Variants in MTCL2 observed in about 807,000 individuals in gnomAD.
The protein encoded by MTCL2 is microtubule crosslinking factor 2.
At chr20:36,845,701 G>A in the MTCL2 span, among the ~76,000 whole-genome samples, 1 of 152,208 alleles carries the variant, frequency 6.6e-6, no homozygotes, top group Non-Finnish European at 1.5e-5. Context: ...AGGGGACCCA[G>A]AGGGCAGGCC....
the MTCL2 span, chr20:36,786,740 T>C: frequency 8.7e-7 from 1 of 1,153,296 alleles, no homozygotes; most frequent in Non-Finnish European, 1.2e-6. Flanking sequence ...GACTCGGCCA[T>C]AAACCAGTTC....
the MTCL2 span, chr20:36,859,860 G>A: frequency 4.9e-6 from 6 of 1,231,572 alleles, no homozygotes; most frequent in African/African-American, 9.3e-5. Context: ...GTCCAGAAAG[G>A]CAGAAAACAC....
the MTCL2 span, chr20:36,783,176 G>A: frequency 6.6e-6 from 1 of 152,214 alleles, no homozygotes; most frequent in Admixed American, 6.5e-5. Flanking sequence ...GACACCTAGA[G>A]GTGGGACCCA....
the MTCL2 span, chr20:36,862,661 G>A: frequency 6.7e-7 from 1 of 1,497,812 alleles, no homozygotes; most frequent in African/African-American, 1.4e-5. Context: ...CCCCCACCTT[G>A]AGATAGTCGT....
At chr20:36,856,815 C>CTG in the MTCL2 span, among the ~76,000 whole-genome samples, 1 of 152,222 alleles carries the variant, frequency 6.6e-6, no homozygotes, top group Non-Finnish European at 1.5e-5. Flanking sequence ...TTTCCTGTTT[C>CTG]TGTGTGTGGA....
the MTCL2 span, among the ~76,000 whole-genome samples, chr20:36,841,128 G>A: frequency 7.7e-6 from 1 of 129,986 alleles, no homozygotes; most frequent in East Asian, 2.2e-4. Context: ...TGGCCAACAT[G>A]GTGAAACCCT....
the MTCL2 span, chr20:36,815,044 G>A: frequency 1.8e-5 from 24 of 1,365,936 alleles, no homozygotes; most frequent in Middle Eastern, 2.0e-4. The surrounding 1 kb of genome is among the most constrained non-coding windows in gnomAD (Gnocchi z 5.3). Flanking sequence ...CCTGGCCAGC[G>A]GGGAGAGACC....
the MTCL2 span, among the ~76,000 whole-genome samples, chr20:36,822,557 G>A: frequency 6.6e-6 from 1 of 152,180 alleles, no homozygotes; most frequent in African/African-American, 2.4e-5. Flanking sequence ...AGAGCTGCCT[G>A]AGCACAGCTC....
chr20:36,835,891 G>A, the MTCL2 span, among the ~76,000 whole-genome samples: 4 of 152,172 alleles, frequency 2.6e-5, no homozygotes, highest in Non-Finnish European at 4.4e-5. Context: ...ACCCACGGAG[G>A]CGCCGCAGCC....
the MTCL2 span, among the ~76,000 whole-genome samples, chr20:36,832,914 G>A: frequency 7.9e-5 from 12 of 152,282 alleles, no homozygotes; most frequent in South Asian, 6.2e-4. Context: ...GCCTGGGCTT[G>A]TCCCTGCTCC....
the MTCL2 span, among the ~76,000 whole-genome samples, chr20:36,844,190 C>G: frequency 6.6e-6 from 1 of 151,824 alleles, no homozygotes; most frequent in East Asian, 1.9e-4. Context: ...GAGCTGAGAT[C>G]ATGCCACTGC....
the MTCL2 span, among the ~76,000 whole-genome samples, chr20:36,859,347 C>T: frequency 1.3e-5 from 2 of 152,248 alleles, no homozygotes; most frequent in East Asian, 3.9e-4. Flanking sequence ...CGTGTCTGCT[C>T]GGCAGCTAAA....
the MTCL2 span, among the ~76,000 whole-genome samples, chr20:36,812,048 C>T: frequency 6.6e-6 from 1 of 152,192 alleles, no homozygotes; most frequent in South Asian, 2.1e-4. Context: ...TCACTCTAAC[C>T]CTCCCGTTAC....
At chr20:36,836,679 G>T in the MTCL2 span, among the ~76,000 whole-genome samples, 1 of 151,980 alleles carries the variant, frequency 6.6e-6, no homozygotes, top group Non-Finnish European at 1.5e-5. Context: ...TAGAGATAGG[G>T]TCTTGCTATG....
the MTCL2 span, among the ~76,000 whole-genome samples, chr20:36,828,328 T>C: frequency 6.6e-6 from 1 of 152,138 alleles, no homozygotes; most frequent in African/African-American, 2.4e-5. Flanking sequence ...AGGTTGTCCC[T>C]CCCTCTCTCT....
chr20:36,820,608 G>A, the MTCL2 span, among the ~76,000 whole-genome samples: 1 of 152,224 alleles, frequency 6.6e-6, no homozygotes, highest in African/African-American at 2.4e-5. Context: ...TGGGGAGGCT[G>A]AGGCAGTTGG....
At chr20:36,837,799 A>C in the MTCL2 span, among the ~76,000 whole-genome samples, 2 of 151,604 alleles carry the variant, frequency 1.3e-5, no homozygotes, top group Non-Finnish European at 2.9e-5. Flanking sequence ...CTGGTCTCGA[A>C]CTCCTGACCT....
the MTCL2 span, chr20:36,786,220 G>GTGGATGCT: frequency 1.8e-6 from 2 of 1,135,956 alleles, no homozygotes; most frequent in African/African-American, 1.6e-5. Context: ...AGATCTCTCA[G>GTGGATGCT]TGGATGCTTG....
At chr20:36,839,436 C>T in the MTCL2 span, 2 of 1,613,086 alleles carry the variant, frequency 1.2e-6, no homozygotes, top group South Asian at 2.2e-5. This position sits in a 1 kb window ranked among gnomAD's most constrained non-coding sequence, Gnocchi z 5.1. Flanking sequence ...GCTCCTCAAT[C>T]TCGTCCTGCG....
Sources: gnomAD v4.1 joint callset for allele counts (sites outside exome capture counted in the v4.1 genomes callset) on GRCh38, gnomAD v4.1.1 for gene constraint, Gnocchi (gnomAD v3.1) non-coding constraint, MANE v1.5 for transcripts, NCBI Gene and HGNC (gene_info 2026-07-23, HGNC 2026-07-21) for gene names.